Variants in PTPRR observed in about 807,000 individuals in gnomAD.
PTPRR encodes the protein receptor-type tyrosine-protein phosphatase R.
A neutral mutation model predicts 77.2 loss-of-function variants in PTPRR; 38 were observed. The observed-to-expected ratio is 0.49, with a 90% confidence interval of 0.38 to 0.65. The LOEUF is 0.65. PTPRR is among the 30% of genes least tolerant of loss of function. The probability of loss-of-function intolerance (pLI) is 0.00; values close to 1 mark genes in which losing one functional copy is unlikely to be tolerated. For missense variants in PTPRR, 744 were observed against 799.2 expected (o/e 0.93, Z 0.83); for synonymous variants, 299 against 283.1 (o/e 1.06, Z -0.57).
At chr12:70,656,090 C>T (rs553722018) in intron 13 of PTPRR, among the ~76,000 whole-genome samples, 19 of 151,850 alleles carry the variant, frequency 1.3e-4, no homozygotes, top group Non-Finnish European at 2.2e-4. Context: ...TAGTGGTGCT[C>T]GCCTATAGTC....
At chr12:70,860,365 G>C (rs1174563321) in intron 2 of PTPRR, among the ~76,000 whole-genome samples, 1 of 152,098 alleles carries the variant, frequency 6.6e-6, no homozygotes, top group Non-Finnish European at 1.5e-5. Flanking sequence ...GACCAAGTCA[G>C]TTCAAATCAA....
At chr12:70,865,016 T>G (rs1378732477) in intron 2 of PTPRR, among the ~76,000 whole-genome samples, 1 of 152,140 alleles carries the variant, frequency 6.6e-6, no homozygotes, top group Non-Finnish European at 1.5e-5. Context: ...GGTTTTACCA[T>G]GTTGGTCAGG....
chr12:70,664,483 TC>T (rs1201408862), intron 10 of PTPRR: 1 of 152,268 alleles, frequency 6.6e-6, no homozygotes, highest in Non-Finnish European at 1.5e-5. Flanking sequence ...AGGCATTCAT[TC>T]AGTAGTCCAG....
Position 70,796,804 on chromosome 12 carries a change from T to C in PTPRR, c.358-32026A>G, listed in dbSNP as rs914609534. 4.6e-5 allele frequency among the ~76,000 whole-genome samples: 7 copies of C among 151,006 alleles called. No individual in the cohort carries two copies. In the East Asian group the frequency reaches 1.4e-3, roughly 29 times the overall value. The stretch of plus-strand genomic sequence containing the variant: ...CAGCACTTTGGGAGGCTGAGGCAGG[T>C]GGATTATCAGGTCAGGAGTTCGAGA... On this transcript the variant is annotated intron_variant, in intron 2 of 13. Transcript: ENST00000283228.
intron 2 of PTPRR, among the ~76,000 whole-genome samples, chr12:70,767,383 G>A (rs1355794380): frequency 6.7e-5 from 10 of 148,976 alleles, no homozygotes; most frequent in Admixed American, 6.7e-5. Flanking sequence ...TGATAAAACA[G>A]ACTTTAAACC....
At chr12:70,855,467 C>T (rs1180578230) in intron 2 of PTPRR, among the ~76,000 whole-genome samples, 2 of 152,062 alleles carry the variant, frequency 1.3e-5, no homozygotes, top group East Asian at 1.9e-4. Flanking sequence ...GGGCCAAGAG[C>T]AGCATTGTAG....
intron 2 of PTPRR, among the ~76,000 whole-genome samples, chr12:70,842,790 A>T (rs1466550943): frequency 6.6e-6 from 1 of 152,232 alleles, no homozygotes; most frequent in Non-Finnish European, 1.5e-5. Context: ...ATAAGATAAT[A>T]GTCACAGATT....
chr12:70,758,479 A>T (rs1336960717), intron 4 of PTPRR, among the ~76,000 whole-genome samples: 3 of 151,050 alleles, frequency 2.0e-5, no homozygotes, highest in Admixed American at 6.6e-5. Flanking sequence ...ATAAAGCAAC[A>T]GGGAAGGCCG....
intron 2 of PTPRR, among the ~76,000 whole-genome samples, chr12:70,793,807 T>G (rs1891463832): frequency 6.6e-6 from 1 of 152,166 alleles, no homozygotes; most frequent in Admixed American, 6.5e-5. Context: ...GCACAAATTT[T>G]TCTTCAGTTA....
chr12:70,894,544 TCTC>T (rs1297368842), intron 1 of PTPRR, among the ~76,000 whole-genome samples: 7 of 151,888 alleles, frequency 4.6e-5, no homozygotes, highest in African/African-American at 1.7e-4. Flanking sequence ...AGAAAATTAC[TCTC>T]CTTTCAGAAA....
intron 2 of PTPRR, among the ~76,000 whole-genome samples, chr12:70,776,757 A>G (rs1891097317): frequency 6.6e-6 from 1 of 152,082 alleles, no homozygotes; most frequent in Non-Finnish European, 1.5e-5. Flanking sequence ...TTCAAGATCC[A>G]TGGTTGGCAA....
chr12:70,754,395 A>G, intron 4 of PTPRR, 94 bp from the exon 5 acceptor site: 1 of 1,583,280 alleles, frequency 6.3e-7, no homozygotes, highest in Non-Finnish European at 8.5e-7. Flanking sequence ...GCCTTATTCC[A>G]TTCAGTGTAG....
chr12:70,831,932 T>C (rs1432895695), intron 2 of PTPRR, among the ~76,000 whole-genome samples: 1 of 152,206 alleles, frequency 6.6e-6, no homozygotes, highest in Non-Finnish European at 1.5e-5. Flanking sequence ...CAATTTTTAC[T>C]CACCAACAGG....
intron 2 of PTPRR, among the ~76,000 whole-genome samples, chr12:70,808,279 G>T (rs1453026426): frequency 3.9e-5 from 6 of 152,128 alleles, no homozygotes; most frequent in African/African-American, 1.4e-4. Context: ...TGCGTGCACA[G>T]TGGGACATGG....
chr12:70,719,693 G>A (rs1365358983), intron 6 of PTPRR, among the ~76,000 whole-genome samples: 2 of 152,210 alleles, frequency 1.3e-5, no homozygotes, highest in East Asian at 3.9e-4. Flanking sequence ...AGGGCCACGG[G>A]CGCCCAGCTG....
chr12:70,902,121 C>T (rs1592824884), intron 1 of PTPRR, among the ~76,000 whole-genome samples: 1 of 151,732 alleles, frequency 6.6e-6, no homozygotes, highest in African/African-American at 2.4e-5. Context: ...TGCAATACCA[C>T]CTTACTCGTG....
intron 13 of PTPRR, chr12:70,639,504 G>A (rs1007420704): frequency 8.7e-6 from 11 of 1,265,504 alleles, no homozygotes; most frequent in African/African-American, 1.6e-5. Context: ...CACTAGGCAC[G>A]TGATTAATTT....
intron 8 of PTPRR, among the ~76,000 whole-genome samples, chr12:70,687,395 A>C (rs766434180): frequency 1.3e-5 from 2 of 151,760 alleles, no homozygotes; most frequent in Non-Finnish European, 2.9e-5. Flanking sequence ...TTTGAGCTAT[A>C]AGGGATCTGG....
intron 6 of PTPRR, among the ~76,000 whole-genome samples, chr12:70,717,341 T>A (rs1449476555): frequency 6.6e-6 from 1 of 152,126 alleles, no homozygotes; most frequent in East Asian, 1.9e-4. Context: ...GAGAATAACT[T>A]CTGATACCAG....
Sources: gnomAD v4.1 joint callset for allele counts (sites outside exome capture counted in the v4.1 genomes callset) on GRCh38, gnomAD v4.1.1 for gene constraint, MANE v1.5 for transcripts, NCBI Gene and HGNC (gene_info 2026-07-23, HGNC 2026-07-21) for gene names.